The following RP1 variants were observed in gnomAD, a reference collection of about 807,000 sequenced individuals.
RP1 encodes the protein RP1 axonemal microtubule associated, also known as oxygen-regulated protein 1.
RP1 carries 16 observed loss-of-function variants against 14.8 expected under a neutral mutation model. That is an observed-to-expected ratio of 1.08 (90% CI 0.73 to 1.65). RP1 has a LOEUF of 1.65. Ranked by LOEUF, RP1 falls within the 40% of genes most tolerant of loss-of-function variation. The probability of loss-of-function intolerance (pLI) is 0.00; values close to 1 mark genes in which losing one functional copy is unlikely to be tolerated. For synonymous variants in RP1, 876 were observed against 883.6 expected (o/e 0.99, Z 0.15); for missense variants, 2,631 against 2,535.0 (o/e 1.04, Z -0.81).
At chr8:54,648,320 A>C (rs920929714) in intron 3 of RP1, among the ~76,000 whole-genome samples, 2 of 152,144 alleles carry the variant, frequency 1.3e-5, no homozygotes, top group Non-Finnish European at 2.9e-5. Context: ...ATATCATACC[A>C]CTATTAATGT....
chr8:54,730,279 ATTC>A, intron 17 of RP1, among the ~76,000 whole-genome samples: 1 of 152,162 alleles, frequency 6.6e-6, no homozygotes, highest in African/African-American at 2.4e-5. Context: ...CTCTTAGTAT[ATTC>A]TTCTTATATG....
intron 19 of RP1, among the ~76,000 whole-genome samples, chr8:54,750,842 G>A (rs1809348295): frequency 6.6e-6 from 1 of 152,204 alleles, no homozygotes; most frequent in Non-Finnish European, 1.5e-5. Context: ...CCAATCAGCA[G>A]GACTCTGAAA....
downstream of RP1, among the ~76,000 whole-genome samples, chr8:54,635,100 G>A (rs1443113128): frequency 6.6e-6 from 1 of 150,898 alleles, no homozygotes; most frequent in African/African-American, 2.4e-5. Context: ...AAAAAAAGAT[G>A]TAATATACAA....
intron 24 of RP1, among the ~76,000 whole-genome samples, chr8:54,797,529 A>G (rs1327606596): frequency 9.8e-6 from 1 of 101,634 alleles, no homozygotes; most frequent in Admixed American, 9.5e-5. Flanking sequence ...ACATAGGACT[A>G]AACACACACA....
At chr8:54,702,863 T>C (rs1006071864) in intron 14 of RP1, among the ~76,000 whole-genome samples, 3 of 152,214 alleles carry the variant, frequency 2.0e-5, no homozygotes, top group Non-Finnish European at 4.4e-5. Flanking sequence ...CATCAGGAGT[T>C]TATTCTGTTT....
chr8:54,805,981 A>T (rs563157868), intron 24 of RP1, among the ~76,000 whole-genome samples: 1 of 151,978 alleles, frequency 6.6e-6, no homozygotes, highest in Admixed American at 6.6e-5. Flanking sequence ...GGAAGGTAAT[A>T]AATTTATTGT....
intron 15 of RP1, chr8:54,720,021 A>T (rs1382316372): frequency 2.2e-6 from 2 of 899,606 alleles, no homozygotes; most frequent in Non-Finnish European, 3.2e-6. Context: ...TAGATTTATC[A>T]TAGTGATTCG....
intron 7 of RP1, among the ~76,000 whole-genome samples, chr8:54,668,300 T>G (rs188999690): frequency 6.6e-6 from 1 of 152,014 alleles, no homozygotes; most frequent in East Asian, 1.9e-4. Flanking sequence ...ATAAAACACC[T>G]AGGAATACAA....
At chr8:54,701,830 A>C (rs186091297) in intron 14 of RP1, among the ~76,000 whole-genome samples, 179 of 152,310 alleles carry the variant, frequency 1.2e-3, no homozygotes, top group Non-Finnish European at 1.8e-3. Flanking sequence ...AAGGCAATAG[A>C]GATGACAGCT....
At chr8:54,754,674 A>C in intron 19 of RP1, 2 of 923,240 alleles carry the variant, frequency 2.2e-6, no homozygotes, top group East Asian at 6.3e-5. Flanking sequence ...ACTACTAACA[A>C]CCATCACCGC....
Position 54,673,877 on chromosome 8 carries a change from C to T in RP1, c.1351C>T (p.His451Tyr), listed in dbSNP as rs1807235437. Residue 451 changes from histidine (H) to tyrosine (Y), a missense_variant, in exon 8 of 23, where the codon CAC (histidine) becomes TAC (tyrosine). His to Tyr is a moderately conservative substitution (Grantham distance 83). Transcript: ENST00000636932. ...TGACACCTTTTTCCTGGAGGCTGTG[C>T]ACCTTGGAGATTTGTGTAAGATTGT... 4 of 1,535,810 alleles carry T rather than the reference C, an allele frequency of 2.6e-6. No homozygotes were observed. The East Asian group carries it at 9.8e-5, about 38-fold the overall frequency.
In RP1 at chr8:54,626,135, C is replaced by T; in HGVS notation, c.2253C>T (p.Ser751=). 1 of 1,612,908 alleles carries T rather than the reference C, an allele frequency of 6.2e-7. No homozygotes were observed. Among genetic ancestry groups the T allele is most frequent in the Non-Finnish European group, 8.5e-7 (1 of 1,179,584 alleles). ...NTFCSKSNLN[S]TISKNFHRNK... is the part of the protein sequence containing the mutation. ...TTTGTTCCAAAAGTAATCTCAATTC[C>T]ACGATTTCCAAGAATTTCCATAGAA... Residue 751 remains serine, a synonymous_variant, in exon 4 of 4, where the codon TCC becomes TCT. Coordinates refer to ENST00000220676, the MANE Select transcript of RP1 (RefSeq NM_006269.2).
chr8:54,560,633 A>G (rs1308074914), intron 1 of RP1: 1 of 151,944 alleles, frequency 6.6e-6, no homozygotes, highest in East Asian at 2.0e-4. Context: ...GGTTCAGAAC[A>G]CCTGCTGCAC....
chr8:54,596,149 T>C (rs917574634), intron 1 of RP1, among the ~76,000 whole-genome samples: 7 of 152,234 alleles, frequency 4.6e-5, no homozygotes, highest in Admixed American at 3.9e-4. Context: ...AAGAGCTTTT[T>C]CATTCTTGTC....
At chr8:54,687,466 C>T (rs770872426) in intron 12 of RP1, among the ~76,000 whole-genome samples, 4 of 152,122 alleles carry the variant, frequency 2.6e-5, no homozygotes, top group Non-Finnish European at 5.9e-5. Flanking sequence ...CCCTAGTCCC[C>T]CAACCCCTGA....
intron 12 of RP1, among the ~76,000 whole-genome samples, chr8:54,688,323 C>A (rs1011833597): frequency 1.3e-5 from 2 of 152,132 alleles, no homozygotes; most frequent in African/African-American, 4.8e-5. Context: ...TTAATTACAT[C>A]CCATTTGTCT....
chr8:54,722,229 A>G (rs1808552597), intron 16 of RP1, among the ~76,000 whole-genome samples: 1 of 150,496 alleles, frequency 6.6e-6, no homozygotes, highest in South Asian at 2.1e-4. Context: ...AAAAGTTTAT[A>G]GTAATTCTCC....
intron 25 of RP1, chr8:54,852,509 A>G (rs1383037801): frequency 9.1e-7 from 1 of 1,101,756 alleles, no homozygotes; most frequent in Non-Finnish European, 1.2e-6. Context: ...CTTGCAGAAT[A>G]TCTAACTACA....
intron 26 of RP1, among the ~76,000 whole-genome samples, chr8:54,856,331 G>C (rs1291474634): frequency 6.6e-6 from 1 of 152,168 alleles, no homozygotes. Context: ...CTTAGGTGCT[G>C]ATAAGGCTCT....
Sources: allele counts gnomAD v4.1 joint callset (sites outside exome capture counted in the v4.1 genomes callset), GRCh38; gene constraint gnomAD v4.1.1; transcripts MANE v1.5; gene names NCBI Gene and HGNC (gene_info 2026-07-23, HGNC 2026-07-21).